RBFOX1: variants seen among roughly 807,000 people sequenced by gnomAD.
RBFOX1 encodes RNA binding fox-1 homolog 1, also known as RNA binding protein fox-1 homolog 1.
RBFOX1 carries 8 observed loss-of-function variants against 57.7 expected under a neutral mutation model. That is an observed-to-expected ratio of 0.14 (90% confidence interval 0.08 to 0.25). The LOEUF is 0.25. Among genes scored for constraint, RBFOX1 ranks in the 10% least tolerant of loss-of-function variants. The probability of loss-of-function intolerance (pLI) is 1.00; values close to 1 mark genes in which losing one functional copy is unlikely to be tolerated. For missense variants in RBFOX1, 611 were observed against 548.5 expected, an observed-to-expected ratio of 1.11 and a Z score of -1.14; for synonymous variants, 326 against 222.4, an observed-to-expected ratio of 1.47 and a Z score of -4.15.
At chr16:6,282,190 C>A (rs534003699) in intron 1 of RBFOX1, among the ~76,000 whole-genome samples, 14 of 152,110 alleles carry the variant, frequency 9.2e-5, no homozygotes, top group African/African-American at 3.1e-4. Context: ...TCCCAGATTG[C>A]GCATAGACCA....
At position 7,518,303 on chromosome 16, in the gene RBFOX1, A is replaced by G; in HGVS notation, c.184A>G (p.Thr62Ala). The G allele has an allele frequency of 6.2e-7, 1 of 1,614,112 alleles. No homozygotes were observed. Among genetic ancestry groups the G allele is most frequent in the South Asian group, 1.1e-5 (1 of 91,078 alleles). The change falls in exon 5 of 16, where the codon ACA becomes GCA. Residue 62 changes from threonine to alanine, a missense_variant. By Grantham distance (58) the Thr-to-Ala change is moderately conservative. Around this residue, in one of 3 missense-constraint regions of RBFOX1, gnomAD observed 245 missense variants for 159.1 expected, o/e 1.54. Transcript: ENST00000550418. ...AGGCCAGACCACGGTTCCCGAGCAC[A>G]CATTAAACCTGTACCCTCCCGCCCA... ...YTGQTTVPEH[T>A]LNLYPPAQTH...
At chr16:7,320,964 T>C (rs2096534006) in intron 4 of RBFOX1, among the ~76,000 whole-genome samples, 1 of 152,152 alleles carries the variant, frequency 6.6e-6, no homozygotes, top group Non-Finnish European at 1.5e-5. Flanking sequence ...TCTTATGGCT[T>C]CAATAGCTGA....
chr16:6,118,635 C>A (rs1157734049), intron 1 of RBFOX1, among the ~76,000 whole-genome samples: 2 of 151,064 alleles, frequency 1.3e-5, no homozygotes, highest in Non-Finnish European at 3.0e-5. Context: ...TCCCTCTCTC[C>A]CTCTCTTTCT....
At chr16:6,327,862 C>T (rs894790147) in intron 2 of RBFOX1, among the ~76,000 whole-genome samples, 2 of 152,076 alleles carry the variant, frequency 1.3e-5, no homozygotes, top group African/African-American at 4.8e-5. Context: ...CTCTTCAATC[C>T]CGTGGGTTAC....
intron 1 of RBFOX1, among the ~76,000 whole-genome samples, chr16:6,020,341 G>A (rs1433169297): frequency 2.0e-5 from 3 of 152,094 alleles, no homozygotes; most frequent in East Asian, 3.9e-4. Context: ...ACTTTGATTA[G>A]TCTCCCTGGC....
At chr16:5,665,751 C>A (rs556215207) in intron 3 of RBFOX1, among the ~76,000 whole-genome samples, 11 of 152,306 alleles carry the variant, frequency 7.2e-5, no homozygotes, top group African/African-American at 2.6e-4. Flanking sequence ...AACTCAGCTG[C>A]CCCAGTCCCT....
rs142523477 is a variant in RBFOX1 at position 6,672,955 on chromosome 16, C to A, written c.-16+18305C>A. On this transcript the variant is annotated intron_variant, in intron 3 of 15. Coordinates refer to ENST00000550418, the MANE Select transcript of RBFOX1 (RefSeq NM_018723.4). The stretch of plus-strand genomic sequence containing the variant: ...CGTGTGGGATGTTGATCAACCTGGT[C>A]TGAATTGTACCCCAGTCCCTGAAGT... Among the ~76,000 whole-genome samples the A allele has an allele frequency of 2.8e-4, 43 of 152,204 alleles. No individual in the cohort carries two copies. In the East Asian group the frequency reaches 6.4e-3, roughly 23 times the overall value.
At chr16:7,628,240 C>T (rs1004294457) in intron 10 of RBFOX1, among the ~76,000 whole-genome samples, 1 of 152,218 alleles carries the variant, frequency 6.6e-6, no homozygotes, top group Admixed American at 6.5e-5. Flanking sequence ...ACCAGGCGTG[C>T]ACAGGAGAGA....
rs57890270 is a variant in RBFOX1, at chr16:6,877,448, T to TG, written c.-15-174605dup. Among the ~76,000 whole-genome samples, 931 of 152,186 alleles carry TG rather than the reference T, an allele frequency of 6.1e-3. 15 individuals are homozygous for TG. Among genetic ancestry groups the TG allele is most frequent in the African/African-American group, 0.021 (884 of 41,534 alleles). On this transcript the variant is annotated intron_variant, in intron 3 of 15. Coordinates refer to ENST00000550418, the MANE Select transcript of RBFOX1 (RefSeq NM_018723.4). ...ACAGAGACAAGCAAAACCAGAGTAG[T>TG]GGGGAAGCTTGACTTCTGCTTGATA... is the stretch of plus-strand genomic sequence containing the variant.
intron 2 of RBFOX1, among the ~76,000 whole-genome samples, chr16:6,374,579 G>A (rs1216151003): frequency 6.6e-6 from 1 of 152,138 alleles, no homozygotes; most frequent in Non-Finnish European, 1.5e-5. Flanking sequence ...CAAATGCTGT[G>A]TAATGTACAT....
At chr16:5,710,795 T>A (rs768805431) in intron 3 of RBFOX1, among the ~76,000 whole-genome samples, 1 of 152,154 alleles carries the variant, frequency 6.6e-6, no homozygotes, top group African/African-American at 2.4e-5. Flanking sequence ...TCTGGGCTTG[T>A]TGGCAGTGGT....
At chr16:5,560,278 C>G (rs772272547) in intron 2 of RBFOX1, among the ~76,000 whole-genome samples, 2 of 152,012 alleles carry the variant, frequency 1.3e-5, no homozygotes, top group African/African-American at 4.8e-5. Flanking sequence ...CCAGGAAGCA[C>G]TTAGTCACCT....
At chr16:6,895,511 C>T (rs557163444) in intron 3 of RBFOX1, among the ~76,000 whole-genome samples, 1 of 138,634 alleles carries the variant, frequency 7.2e-6, no homozygotes, top group Admixed American at 7.5e-5. Context: ...GGATAACAAG[C>T]TGTCGATTCC....
In RBFOX1 at chr16:7,518,302, C is replaced by T; in HGVS notation, c.183C>T (p.His61=). The T allele has an allele frequency of 6.2e-7, 1 of 1,614,150 alleles. No individual in the cohort carries two copies. Among genetic ancestry groups the T allele is most frequent in the Non-Finnish European group, 8.5e-7 (1 of 1,180,022 alleles). Residue 61 remains histidine (H), a synonymous_variant, in exon 5 of 16, where the codon CAC becomes CAT. Transcript: ENST00000550418. ...CAGGCCAGACCACGGTTCCCGAGCA[C>T]ACATTAAACCTGTACCCTCCCGCCC... ...EYTGQTTVPE[H]TLNLYPPAQT... is the part of the protein sequence containing the mutation.
intron 4 of RBFOX1, among the ~76,000 whole-genome samples, chr16:7,475,768 G>T (rs1486389484): frequency 2.0e-5 from 3 of 152,134 alleles, no homozygotes; most frequent in Non-Finnish European, 4.4e-5. Flanking sequence ...GAATTTGATT[G>T]TGTTAAAGTA....
intron 3 of RBFOX1, among the ~76,000 whole-genome samples, chr16:6,750,215 G>A (rs1251056990): frequency 6.6e-6 from 1 of 152,106 alleles, no homozygotes; most frequent in African/African-American, 2.4e-5. Flanking sequence ...TTGAATTGTG[G>A]GCTCTACCTG....
chr16:6,399,314 C>T (rs531272111), intron 2 of RBFOX1, among the ~76,000 whole-genome samples: 8 of 152,318 alleles, frequency 5.3e-5, no homozygotes, highest in Non-Finnish European at 7.3e-5. Flanking sequence ...ACATTTTCCC[C>T]ATTGTCTTGG....
At chr16:5,350,697 C>A (rs2065243567) in intron 1 of RBFOX1, among the ~76,000 whole-genome samples, 3 of 152,254 alleles carry the variant, frequency 2.0e-5, no homozygotes, top group Admixed American at 2.0e-4. Flanking sequence ...GAAACCCCGT[C>A]TCTAGTGAAA....
At chr16:5,251,087 C>A (rs569141579) in intron 1 of RBFOX1, among the ~76,000 whole-genome samples, 1 of 151,784 alleles carries the variant, frequency 6.6e-6, no homozygotes, top group African/African-American at 2.4e-5. Flanking sequence ...TGGGGGGGTC[C>A]CAGCCCCTAC....
Sources: allele counts gnomAD v4.1 joint callset (sites outside exome capture counted in the v4.1 genomes callset), GRCh38; gene constraint gnomAD v4.1.1; regional missense constraint gnomAD v4.1.1; transcripts MANE v1.5; gene names NCBI Gene and HGNC (gene_info 2026-07-23, HGNC 2026-07-21).